The following OR2J2 variants were observed in gnomAD, a reference collection of about 807,000 sequenced individuals.
OR2J2 encodes the protein olfactory receptor 2J2.
A neutral mutation model predicts 16.9 loss-of-function variants in OR2J2; 13 were observed. That is an observed-to-expected ratio of 0.77 (90% CI 0.50 to 1.23). OR2J2 has a LOEUF of 1.23. Ranked by LOEUF, OR2J2 falls within the 50% of genes most tolerant of loss-of-function variation. OR2J2 has a pLI of 0.00. For synonymous variants in OR2J2, 125 were observed against 141.2 expected (o/e 0.89, Z 0.81); for missense variants, 341 against 379.1 (o/e 0.90, Z 0.84).
At position 29,175,148 on chromosome 6, in the gene OR2J2, T is replaced by G. The variant is rs1454158593; in HGVS notation, c.*574T>G. 6.6e-6 allele frequency: 1 copy of G among 152,266 alleles called. No individual in the cohort carries two copies. The highest frequency in any genetic ancestry group is 6.5e-5 in the Admixed American group (1 of 15,270). 9.4% of individuals were successfully genotyped at this position (152,266 alleles called of 1,614,324 possible). ...AATTTATCCTGTAGGTCTACATACT[T>G]GTCACATTGAACAGTAAACTAATAT... On this transcript the variant is annotated 3_prime_UTR_variant, in exon 2 of 2. Transcript: ENST00000641417.
rs1042947557 is a variant in OR2J2 at position 29,175,802 on chromosome 6, G to T, written c.*1228G>T. On this transcript the variant is annotated 3_prime_UTR_variant, in exon 2 of 2. Transcript: ENST00000641417. Reference sequence around the variant, plus strand: ...TTATGTTTTCTATAATCACATTTTTGAAAATAACCTGAAAATGCTGAAAAG... The same window carrying T: ...TTATGTTTTCTATAATCACATTTTTTAAAATAACCTGAAAATGCTGAAAAG... 4 of 151,798 alleles carry T rather than the reference G, an allele frequency of 2.6e-5. No homozygotes were observed. The highest frequency in any genetic ancestry group is 1.9e-4 in the East Asian group (1 of 5,162). The allele number at this position is 151,798 out of a possible 1,614,324, so 9.4% of individuals were successfully genotyped here. A position where few individuals can be genotyped will look rare whatever the true frequency, so the allele number is the denominator to read the frequency against.
chr6:29,173,685 G>T lies in OR2J2; in HGVS notation c.50G>T (p.Gly17Val). ...TCGGAAGACTTCTTTATTCTACTTG[G>T]ATTTTCTAATTGGCCTCAGCTGGAA... ...ASSEDFFILL[G>V]FSNWPQLEVV... Residue 17 changes from glycine to valine, a missense_variant, in exon 2 of 2, where the codon GGA becomes GTA. Gly to Val is a moderately radical substitution (Grantham distance 109). Coordinates refer to ENST00000641417, the MANE Select transcript of OR2J2 (RefSeq NM_030905.3). The T allele has an allele frequency of 6.2e-7, 1 of 1,612,754 alleles. No homozygotes were observed. Among genetic ancestry groups the T allele is most frequent in the East Asian group, 2.2e-5 (1 of 44,836 alleles).
In OR2J2 at chr6:29,173,837, T is replaced by G. The variant is rs767341980; in HGVS notation, c.202T>G (p.Ser68Ala). ...TPMYFFLSNL[S>A]FLDLCYTTSS... ...AATGTACTTCTTCCTTTCAAACCTC[T>G]CATTTCTGGATCTCTGCTACACCAC... Residue 68 changes from serine to alanine, a missense_variant, in exon 2 of 2, where the codon TCA (serine) becomes GCA (alanine). By Grantham distance (99) the Ser-to-Ala change is moderately conservative (BLOSUM62 1). Transcript: ENST00000641417. 1.2e-6 allele frequency: 2 copies of G among 1,612,940 alleles called. No homozygotes were observed. The highest frequency in any genetic ancestry group is 2.2e-5 in the South Asian group (2 of 90,956).
At position 29,174,333 on chromosome 6, in the gene OR2J2, C is replaced by G. The variant is rs996545889; in HGVS notation, c.698C>G (p.Thr233Ser). The G allele has an allele frequency of 1.2e-6, 2 of 1,613,776 alleles. No homozygotes were observed. The highest frequency in any genetic ancestry group is 8.5e-7 in the Non-Finnish European group (1 of 1,179,958). Residue 233 changes from threonine to serine, a missense_variant, in exon 2 of 2, where the codon ACT becomes AGT. Coordinates refer to ENST00000641417, the MANE Select transcript of OR2J2 (RefSeq NM_030905.3). ...GCTGTACTGAGCATGCAATCAACCACTGGGCTTCAGAAAGTGTTTAGGACA... is the reference window on the plus strand; with the variant it reads ...GCTGTACTGAGCATGCAATCAACCAGTGGGCTTCAGAAAGTGTTTAGGACA... ...ARAVLSMQSTTGLQKVFRTCG... is the reference protein window; with the variant it reads ...ARAVLSMQSTSGLQKVFRTCG...
In OR2J2 at chr6:29,174,211, C is replaced by A; in HGVS notation, c.576C>A (p.Asp192Glu). The A allele has an allele frequency of 6.2e-7, 1 of 1,613,746 alleles. No homozygotes were observed. Among genetic ancestry groups the A allele is most frequent in the East Asian group, 2.2e-5 (1 of 44,828 alleles). Reference protein sequence around the residue: ...VPALLRLSCVDTHANELTLMV... With the variant: ...VPALLRLSCVETHANELTLMV... ...CACTTCTGCGTTTATCATGTGTTGA[C>A]ACCCATGCAAATGAGCTGACCCTCA... Residue 192 changes from aspartate (D) to glutamate (E), a missense_variant, in exon 2 of 2, where the codon GAC (aspartate) becomes GAA (glutamate). Transcript: ENST00000641417.
In OR2J2 at chr6:29,173,623, A is replaced by G; in HGVS notation, c.-13A>G. The G allele has an allele frequency of 6.4e-7, 1 of 1,570,028 alleles. No individual in the cohort carries two copies. Among genetic ancestry groups the G allele is most frequent in the Non-Finnish European group, 8.7e-7 (1 of 1,155,830 alleles). Reference sequence around the variant, plus strand: ...TTTATGTGGTTCTTTCTTTAGGTATAAGAAAAAGATGAATGATGATTAAAA... The same window carrying G: ...TTTATGTGGTTCTTTCTTTAGGTATGAGAAAAAGATGAATGATGATTAAAA... On this transcript the variant is annotated 5_prime_UTR_variant, in exon 2 of 2. It adds an upstream start codon to the 5' untranslated region. Coordinates refer to ENST00000641417, the MANE Select transcript of OR2J2 (RefSeq NM_030905.3).
At position 29,173,736 on chromosome 6, in the gene OR2J2, T is replaced by C; in HGVS notation, c.101T>C (p.Ile34Thr). ...GTAGTTCTCTTTGTGGTTATCTTGA[T>C]CTTCTACCTGATGACACTGACAGGA... is the stretch of plus-strand genomic sequence containing the variant. ...LEVVLFVVIL[I>T]FYLMTLTGNL... The change falls in exon 2 of 2, where the codon ATC (isoleucine) becomes ACC (threonine). Residue 34 changes from isoleucine to threonine, a missense_variant. Coordinates refer to ENST00000641417, the MANE Select transcript of OR2J2 (RefSeq NM_030905.3). 1.2e-6 allele frequency: 2 copies of C among 1,613,832 alleles called. No individual in the cohort carries two copies. Among genetic ancestry groups the C allele is most frequent in the Non-Finnish European group, 1.7e-6 (2 of 1,179,950 alleles).
intron 1 of OR2J2, among the ~76,000 whole-genome samples, chr6:29,172,309 C>T (rs1225266825): frequency 6.6e-6 from 1 of 152,018 alleles, no homozygotes; most frequent in African/African-American, 2.4e-5. Flanking sequence ...CCACCTGCCT[C>T]GGCCTCCCAA....
At position 29,174,699 on chromosome 6, in the gene OR2J2, C is replaced by G. The variant is rs2206042; in HGVS notation, c.*125C>G. On this transcript the variant is annotated 3_prime_UTR_variant, in exon 2 of 2. Coordinates refer to ENST00000641417, the MANE Select transcript of OR2J2 (RefSeq NM_030905.3). ...AGCTCACAAAACAGAATAGTTCAGT[C>G]TCACATTTGTTGCTCTTTTTATTAT... The G allele has an allele frequency of 3.1e-6, 2 of 655,064 alleles. No individual in the cohort carries two copies. The highest frequency in any genetic ancestry group is 2.6e-5 in the South Asian group (1 of 38,052). The allele number at this position is 655,064 out of a possible 1,614,324, so 40.6% of individuals were successfully genotyped here.
rs142201939 is a variant in OR2J2, at chr6:29,173,902, G to A, written c.267G>A (p.Pro89=). 3.0e-4 allele frequency: 487 copies of A among 1,611,794 alleles called. 2 individuals carry two copies. The African/African-American group carries it at 5.3e-3, about 17-fold the overall frequency. ...AGTTGCTGGTGAATCTCCGGGGCCCGGAAAAGACCATCTCGTATGCTGGTT... is the reference window on the plus strand; with the variant it reads ...AGTTGCTGGTGAATCTCCGGGGCCCAGAAAAGACCATCTCGTATGCTGGTT... ...IPQLLVNLRG[P]EKTISYAGCM... is the part of the protein sequence containing the mutation. Residue 89 remains proline, a synonymous_variant, in exon 2 of 2, where the codon CCG becomes CCA. Transcript: ENST00000641417.
Position 29,175,098 on chromosome 6 carries a change from A to G in OR2J2, c.*524A>G, listed in dbSNP as rs1194269417. The G allele has an allele frequency of 1.3e-5, 2 of 152,566 alleles. No individual in the cohort carries two copies. Among genetic ancestry groups the G allele is most frequent in the Non-Finnish European group, 2.9e-5 (2 of 68,314 alleles). 9.5% of individuals were successfully genotyped at this position (152,566 alleles called of 1,614,324 possible). ...TATCATAAGTATTTGGTTGAAAGAC[A>G]CTTTTTAAAGACACTAAATTATCTA... On this transcript the variant is annotated 3_prime_UTR_variant, in exon 2 of 2. Transcript: ENST00000641417.
At chr6:29,172,835 C>A (rs183283318) in intron 1 of OR2J2, among the ~76,000 whole-genome samples, 5 of 152,250 alleles carry the variant, frequency 3.3e-5, no homozygotes, top group African/African-American at 1.2e-4. Flanking sequence ...GTTATACATT[C>A]TTTCAACTTC....
Position 29,174,263 on chromosome 6 carries a change from A to T in OR2J2, c.628A>T (p.Ile210Leu). 6.2e-7 allele frequency: 1 copy of T among 1,613,598 alleles called. No individual in the cohort carries two copies. Among genetic ancestry groups the T allele is most frequent in the South Asian group, 1.1e-5 (1 of 91,058 alleles). Residue 210 changes from isoleucine (I) to leucine (L), a missense_variant, in exon 2 of 2, where the codon ATA becomes TTA. Transcript: ENST00000641417. ...GGTCATGAGCTCCATTTTTGTTCTCATACCTCTCATTCTCATTCTCACTAC... is the reference window on the plus strand; with the variant it reads ...GGTCATGAGCTCCATTTTTGTTCTCTTACCTCTCATTCTCATTCTCACTAC... ...LMVMSSIFVL[I>L]PLILILTTYG... is the part of the protein sequence containing the mutation.
intron 1 of OR2J2, among the ~76,000 whole-genome samples, chr6:29,171,686 A>G (rs1016479319): frequency 6.6e-6 from 1 of 152,078 alleles, no homozygotes; most frequent in African/African-American, 2.4e-5. Context: ...AATTACTGTA[A>G]TAAGGAACTC....
chr6:29,172,266 C>G (rs1178729871), intron 1 of OR2J2, among the ~76,000 whole-genome samples: 1 of 152,026 alleles, frequency 6.6e-6, no homozygotes, highest in Admixed American at 6.6e-5. Flanking sequence ...CCACGTTGGT[C>G]AGGCTGGTCT....
rs975059114 is a variant in OR2J2, at chr6:29,175,605, C to G, written c.*1031C>G. The G allele has an allele frequency of 6.6e-5, 10 of 152,094 alleles. No homozygotes were observed. The highest frequency in any genetic ancestry group is 9.7e-5 in the African/African-American group (4 of 41,426). The allele number at this position is 152,094 out of a possible 1,614,324, so 9.4% of individuals were successfully genotyped here. On this transcript the variant is annotated 3_prime_UTR_variant, in exon 2 of 2. Coordinates refer to ENST00000641417, the MANE Select transcript of OR2J2 (RefSeq NM_030905.3). Reference sequence around the variant, plus strand: ...CCATCCTGGCTAACAAGGTGAAACCCCATCTCTACTAAAAATACAAAACAA... The same window carrying G: ...CCATCCTGGCTAACAAGGTGAAACCGCATCTCTACTAAAAATACAAAACAA...
rs1765458034 is a variant in OR2J2 at position 29,171,060 on chromosome 6, G to T, written c.-63G>T. 6.6e-6 allele frequency: 1 copy of T among 152,110 alleles called. No individual in the cohort carries two copies. The highest frequency in any genetic ancestry group is 6.6e-5 in the Admixed American group (1 of 15,254). The allele number at this position is 152,110 out of a possible 1,614,324, so 9.4% of individuals were successfully genotyped here. ...TCATCAGTTTATACCTGATGAGGTT[G>T]TAGGCCAGGTAGAGAGTGACAGGGA... is the stretch of plus-strand genomic sequence containing the variant. On this transcript the variant is annotated 5_prime_UTR_variant, in exon 1 of 2. Transcript: ENST00000641417.
Position 29,174,178 on chromosome 6 carries a change from A to C in OR2J2, c.543A>C (p.Glu181Asp), listed in dbSNP as rs761440486. 1 of 1,613,650 alleles carries C rather than the reference A, an allele frequency of 6.2e-7. No homozygotes were observed. The highest frequency in any genetic ancestry group is 8.5e-7 in the Non-Finnish European group (1 of 1,179,944). Reference sequence around the variant, plus strand: ...GCCTAGTGGATCACTTCTTCTGTGAAGTTCCAGCACTTCTGCGTTTATCAT... The same window carrying C: ...GCCTAGTGGATCACTTCTTCTGTGACGTTCCAGCACTTCTGCGTTTATCAT... Reference protein sequence around the residue: ...GHRLVDHFFCEVPALLRLSCV... With the variant: ...GHRLVDHFFCDVPALLRLSCV... The change falls in exon 2 of 2, where the codon GAA (glutamate) becomes GAC (aspartate). Residue 181 changes from glutamate (E) to aspartate (D), a missense_variant. Glu to Asp is a conservative substitution (Grantham distance 45, BLOSUM62 2). Transcript: ENST00000641417.
Position 29,174,251 on chromosome 6 carries a change from A to AT in OR2J2, c.621dup (p.Val208CysfsTer33). The AT allele has an allele frequency of 6.2e-7, 1 of 1,613,726 alleles. No homozygotes were observed. The highest frequency in any genetic ancestry group is 1.3e-5 in the African/African-American group (1 of 74,932). On this transcript the variant is annotated frameshift_variant, in exon 2 of 2. Transcript: ENST00000641417. LOFTEE classifies it high-confidence loss of function. ...GCTGACCCTCATGGTCATGAGCTCC[A>AT]TTTTTGTTCTCATACCTCTCATTCT...
Sources: allele counts gnomAD v4.1 joint callset (sites outside exome capture counted in the v4.1 genomes callset), GRCh38; gene constraint gnomAD v4.1.1; transcripts MANE v1.5; gene names NCBI Gene and HGNC (gene_info 2026-07-23, HGNC 2026-07-21).